CARD19: variants seen among roughly 807,000 people sequenced by gnomAD.
CARD19 encodes the protein caspase recruitment domain-containing protein 19.
In CARD19, 25 loss-of-function variants were observed where a neutral mutation model predicts 24.1. The ratio of observed to expected loss-of-function variants is 1.04; its 90% CI spans 0.76 to 1.45. The LOEUF is 1.45. Ranked by LOEUF, CARD19 falls within the 40% of genes most tolerant of loss-of-function variation. The pLI is 0.00. For missense variants in CARD19, 241 were observed against 247.4 expected, an observed-to-expected ratio of 0.97 and a Z score of 0.17; for synonymous variants, 103 against 104.9, an observed-to-expected ratio of 0.98 and a Z score of 0.11.
Position 93,096,237 on chromosome 9 carries a change from G to T in CARD19, c.-109G>T. On this transcript the variant is annotated 5_prime_UTR_variant, in exon 1 of 6. Transcript: ENST00000375464. This position sits in a 1 kb window ranked among gnomAD's most constrained non-coding sequence, Gnocchi z 5.4. Reference sequence around the variant, plus strand: ...CTAGCCAAAAGGGGCGGGCGAGCACGGCCCGCGGGCGGCGTTCGCTGGAGC... The same window carrying T: ...CTAGCCAAAAGGGGCGGGCGAGCACTGCCCGCGGGCGGCGTTCGCTGGAGC... The T allele has an allele frequency of 8.7e-7, 1 of 1,144,806 alleles. No individual in the cohort carries two copies. The highest frequency in any genetic ancestry group is 1.1e-6 in the Non-Finnish European group (1 of 912,206). The allele number at this position is 1,144,806 out of a possible 1,614,324, so 70.9% of individuals were successfully genotyped here.
chr9:93,105,460 T>C (rs1827221761), intron 1 of CARD19, among the ~76,000 whole-genome samples: 2 of 152,128 alleles, frequency 1.3e-5, no homozygotes, highest in South Asian at 4.1e-4. Flanking sequence ...TTTGTATTTT[T>C]AGTAGAGATG....
chr9:93,110,810 G>T, intron 3 of CARD19, 89 bp downstream of exon 3: 2 of 1,540,338 alleles, frequency 1.3e-6, no homozygotes, highest in South Asian at 2.4e-5. Context: ...TGTCCTCCAT[G>T]ACCACCCAAG....
intron 3 of CARD19, chr9:93,111,641 C>A (rs1827489593): frequency 1.4e-6 from 2 of 1,380,554 alleles, no homozygotes; most frequent in East Asian, 2.7e-5. Context: ...CTTGGCCCCA[C>A]TGGAGGTAGA....
intron 1 of CARD19, among the ~76,000 whole-genome samples, chr9:93,098,039 G>A (rs1826945653): frequency 6.6e-6 from 1 of 152,258 alleles, no homozygotes; most frequent in Non-Finnish European, 1.5e-5. Context: ...GCCAGCCCTC[G>A]CTGTGAGCAG....
At position 93,110,610 on chromosome 9, in the gene CARD19, C is replaced by T. The variant is rs769209100; in HGVS notation, c.193C>T (p.Leu65Phe). The part of the protein sequence containing the change: ...KASLRVRLCD[L>F]LSHLQRSGER... ...ATCCTTGCGTGTGCGGCTCTGTGAC[C>T]TCCTGAGCCACCTGCAGCGGAGCGG... The change falls in exon 3 of 6, where the codon CTC (leucine) becomes TTC (phenylalanine). Residue 65 changes from leucine (L) to phenylalanine (F), a missense_variant. Coordinates refer to ENST00000375464, the MANE Select transcript of CARD19 (RefSeq NM_032310.5). 1.2e-6 allele frequency: 2 copies of T among 1,613,530 alleles called. No individual in the cohort carries two copies. The highest frequency in any genetic ancestry group is 1.7e-6 in the Non-Finnish European group (2 of 1,179,700).
At chr9:93,097,311 G>T (rs1184713340) in intron 1 of CARD19, among the ~76,000 whole-genome samples, 1 of 152,042 alleles carries the variant, frequency 6.6e-6, no homozygotes, top group Admixed American at 6.5e-5. Flanking sequence ...GATCTCATGG[G>T]CTGGAAACTG....
chr9:93,112,963 G>A (rs747883432), intron 5 of CARD19, 29 bp from the exon 6 acceptor site: 1 of 1,528,052 alleles, frequency 6.5e-7, no homozygotes, highest in South Asian at 1.2e-5. Flanking sequence ...ACTGGTTCTT[G>A]AGCTTTTGCC....
At chr9:93,112,857 C>G in intron 5 of CARD19, 135 bp from the exon 6 acceptor site, 1 of 605,974 alleles carries the variant, frequency 1.7e-6, no homozygotes, top group Non-Finnish European at 2.9e-6. Flanking sequence ...CTTTTCAACT[C>G]AAGCCGAGAC....
chr9:93,111,376 G>A (rs969264382), intron 3 of CARD19: 3 of 1,095,632 alleles, frequency 2.7e-6, no homozygotes, highest in Non-Finnish European at 3.4e-6. Flanking sequence ...CTGTGCTCAG[G>A]GCCCCTGGAG....
At chr9:93,097,803 C>G (rs896873975) in intron 1 of CARD19, among the ~76,000 whole-genome samples, 2 of 152,198 alleles carry the variant, frequency 1.3e-5, no homozygotes, top group African/African-American at 4.8e-5. Flanking sequence ...GCAGGGGTCC[C>G]TGAAGGCTCT....
At chr9:93,103,123 T>A (rs1827141857) in intron 1 of CARD19, among the ~76,000 whole-genome samples, 1 of 152,308 alleles carries the variant, frequency 6.6e-6, no homozygotes, top group Admixed American at 6.5e-5. Context: ...TCCCTTTTCC[T>A]TTTTTTGCCT....
chr9:93,098,759 T>G (rs781289962), intron 1 of CARD19, among the ~76,000 whole-genome samples: 1 of 152,174 alleles, frequency 6.6e-6, no homozygotes, highest in African/African-American at 2.4e-5. Flanking sequence ...GACTCACGGC[T>G]CATGGTGACT....
intron 1 of CARD19, among the ~76,000 whole-genome samples, chr9:93,098,224 A>T (rs953537908): frequency 2.0e-5 from 3 of 152,118 alleles, no homozygotes; most frequent in Non-Finnish European, 2.9e-5. Flanking sequence ...AAGTGTCTGG[A>T]CTCCAGTTGG....
intron 2 of CARD19, among the ~76,000 whole-genome samples, chr9:93,108,452 C>T (rs1304736982): frequency 3.9e-5 from 6 of 152,114 alleles, no homozygotes; most frequent in Non-Finnish European, 7.4e-5. Context: ...CAGTGCTGAG[C>T]GGGCTGGTCC....
At chr9:93,107,904 C>A in intron 2 of CARD19, 88 bp downstream of exon 2, 2 of 1,514,484 alleles carry the variant, frequency 1.3e-6, no homozygotes, top group South Asian at 2.4e-5. Context: ...AGCCCTGGGT[C>A]ATTCTCTCAT....
chr9:93,112,912 A>AC, intron 5 of CARD19, 80 bp from the exon 6 acceptor site: 1 of 957,178 alleles, frequency 1.0e-6, no homozygotes, highest in African/African-American at 1.6e-5. Context: ...GTTCCCACCC[A>AC]CCCCCGCAGG....
At chr9:93,109,571 A>G (rs1274075462) in intron 2 of CARD19, among the ~76,000 whole-genome samples, 2 of 151,882 alleles carry the variant, frequency 1.3e-5, no homozygotes, top group African/African-American at 4.8e-5. Flanking sequence ...GTTTCAAGCA[A>G]TCCTCTGGCC....
chr9:93,111,032 C>T (rs1221657063), intron 3 of CARD19: 1 of 1,427,644 alleles, frequency 7.0e-7, no homozygotes, highest in Non-Finnish European at 9.3e-7. Flanking sequence ...CCTTTTCTAA[C>T]CTCATTCCAC....
At chr9:93,104,171 A>G (rs1827171965) in intron 1 of CARD19, among the ~76,000 whole-genome samples, 1 of 152,242 alleles carries the variant, frequency 6.6e-6, no homozygotes, top group Non-Finnish European at 1.5e-5. Flanking sequence ...GAATAAATCA[A>G]TGTATACTTC....
Sources: allele counts gnomAD v4.1 joint callset (sites outside exome capture counted in the v4.1 genomes callset), GRCh38; gene constraint gnomAD v4.1.1; non-coding constraint Gnocchi (gnomAD v3.1); transcripts MANE v1.5; gene names NCBI Gene and HGNC (gene_info 2026-07-23, HGNC 2026-07-21).